GNAZ: variants seen among roughly 807,000 people sequenced by gnomAD.
The protein encoded by GNAZ is guanine nucleotide-binding protein G(z) subunit alpha.
A neutral mutation model predicts 25.4 loss-of-function variants in GNAZ; 3 were observed. That is an observed-to-expected ratio of 0.12 (90% confidence interval 0.05 to 0.30). The LOEUF (loss-of-function observed/expected upper bound fraction) is 0.30. Among genes scored for constraint, GNAZ ranks in the 10% least tolerant of loss-of-function variants. GNAZ has a pLI of 1.00. For missense variants in GNAZ, 241 were observed against 501.8 expected, an observed-to-expected ratio of 0.48 and a Z score of 4.97; for synonymous variants, 211 against 205.7, an observed-to-expected ratio of 1.03 and a Z score of -0.22.
chr22:23,075,527 C>T (rs2068486987), intron 1 of GNAZ, among the ~76,000 whole-genome samples: 1 of 152,226 alleles, frequency 6.6e-6, no homozygotes, highest in South Asian at 2.1e-4. Context: ...CCAAAGGAAG[C>T]TGCCACATCA....
At chr22:23,072,824 C>T (rs1355527509) in intron 1 of GNAZ, among the ~76,000 whole-genome samples, 1 of 152,222 alleles carries the variant, frequency 6.6e-6, no homozygotes, top group Non-Finnish European at 1.5e-5. Flanking sequence ...CAGGAGGAAC[C>T]TCAGAGACCT....
Position 23,123,943 on chromosome 22 carries a change from G to A in GNAZ, c.*512G>A, listed in dbSNP as rs1601844041. On this transcript the variant is annotated 3_prime_UTR_variant, in exon 3 of 3. Coordinates refer to ENST00000615612, the MANE Select transcript of GNAZ (RefSeq NM_002073.4). ...GCAGGGTCTGTGCACCTTCCCTGCT[G>A]GCCTGCACACAGCTGCTCAGCACCA... The A allele has an allele frequency of 4.7e-6, 1 of 211,020 alleles. No individual in the cohort carries two copies. The highest frequency in any genetic ancestry group is 1.2e-4 in the East Asian group (1 of 8,032). The allele number at this position is 211,020 out of a possible 1,614,324, so 13.1% of individuals were successfully genotyped here.
Position 23,123,318 on chromosome 22 carries a change from G to A in GNAZ, c.955G>A (p.Glu319Lys), listed in dbSNP as rs1601842799. 6.2e-7 allele frequency: 1 copy of A among 1,614,060 alleles called. No homozygotes were observed. Among genetic ancestry groups the A allele is most frequent in the Non-Finnish European group, 8.5e-7 (1 of 1,179,974 alleles). Reference protein sequence around the residue: ...EDLNRNKETKEIYSHFTCATD... With the variant: ...EDLNRNKETKKIYSHFTCATD... ...CCTGAACCGCAACAAGGAGACCAAG[G>A]AGATCTACTCCCACTTCACCTGCGC... Residue 319 changes from glutamate to lysine, a missense_variant, in exon 3 of 3, where the codon GAG becomes AAG. Glu to Lys is a moderately conservative substitution (Grantham distance 56). Transcript: ENST00000615612.
In GNAZ at chr22:23,096,151, C is replaced by T. The variant is rs372365902; in HGVS notation, c.456C>T (p.Asn152=). 15 of 1,612,918 alleles carry T rather than the reference C, an allele frequency of 9.3e-6. No individual in the cohort carries two copies. The highest frequency in any genetic ancestry group is 4.4e-5 in the South Asian group (4 of 91,076). ...CCAGCGAGTACCACCTGGAGGACAA[C>T]GCGGCCTACTACCTGAACGACCTGG... ...SRSSEYHLED[N]AAYYLNDLER... The change falls in exon 2 of 3, where the codon AAC becomes AAT. Residue 152 remains asparagine, a synonymous_variant. Transcript: ENST00000615612.
chr22:23,111,215 A>T (rs1320212772), intron 2 of GNAZ, among the ~76,000 whole-genome samples: 1 of 152,086 alleles, frequency 6.6e-6, no homozygotes, highest in Non-Finnish European at 1.5e-5. Context: ...TCCCAGTCCC[A>T]TTACCTGTCA....
intron 1 of GNAZ, among the ~76,000 whole-genome samples, chr22:23,081,482 C>A (rs2146272285): frequency 6.6e-6 from 1 of 152,252 alleles, no homozygotes; most frequent in African/African-American, 2.4e-5. Context: ...CAACTTTTAG[C>A]CATCAACAGT....
In GNAZ at chr22:23,116,766, G is replaced by A. The variant is rs138869043; in HGVS notation, c.724-6321G>A. ...CTTGGATGTCATTAGCTGGAAAGCC[G>A]TGAGTGCCTGATGGGGAAGGAGTGG... On this transcript the variant is annotated intron_variant, in intron 2 of 2. Coordinates refer to ENST00000615612, the MANE Select transcript of GNAZ (RefSeq NM_002073.4). 3.1e-3 allele frequency among the ~76,000 whole-genome samples: 477 copies of A among 152,338 alleles called. 4 individuals are homozygous for A. The highest frequency in any genetic ancestry group is 4.0e-3 in the Admixed American group (61 of 15,296).
At chr22:23,086,854 C>G (rs1009322255) in intron 1 of GNAZ, among the ~76,000 whole-genome samples, 3 of 152,232 alleles carry the variant, frequency 2.0e-5, no homozygotes, top group African/African-American at 7.2e-5. Flanking sequence ...CAAAGGACAC[C>G]TGGCTCCTCA....
At chr22:23,087,365 C>G (rs5751581) in intron 1 of GNAZ, among the ~76,000 whole-genome samples, 40,172 of 152,014 alleles carry the variant, frequency 0.26, 5,487 homozygotes, top group African/African-American at 0.34. Flanking sequence ...ACTCGAGGCT[C>G]AGGTGGGAGG....
rs1218278297 is a variant in GNAZ, at chr22:23,124,872, C to G, written c.*1441C>G. On this transcript the variant is annotated 3_prime_UTR_variant, in exon 3 of 3. Transcript: ENST00000615612. ...AGGAGAGGCACTGCCGGAGCCCTTG[C>G]CAGATCTCCCTCCCTCTCTCCGTGC... 1 of 152,858 alleles carries G rather than the reference C, an allele frequency of 6.5e-6. No individual in the cohort carries two copies. Among genetic ancestry groups the G allele is most frequent in the Admixed American group, 6.5e-5 (1 of 15,308 alleles). 9.5% of individuals were successfully genotyped at this position (152,858 alleles called of 1,614,324 possible). A position where few individuals can be genotyped will look rare whatever the true frequency, so the allele number is the denominator to read the frequency against.
rs933625305 is a variant in GNAZ, at chr22:23,088,908, T to C, written c.-449-6339T>C. 1.7e-4 allele frequency among the ~76,000 whole-genome samples: 26 copies of C among 152,372 alleles called. 1 individual carries two copies. Among genetic ancestry groups the C allele is most frequent in the Admixed American group, 1.5e-3 (23 of 15,310 alleles). On this transcript the variant is annotated intron_variant, in intron 1 of 2. Transcript: ENST00000615612. ...AAGGTGGCCATCTGAGTGGCTTCTATTGGGCCTCAGGCATGACTGCCTGTG... is the reference window on the plus strand; with the variant it reads ...AAGGTGGCCATCTGAGTGGCTTCTACTGGGCCTCAGGCATGACTGCCTGTG...
chr22:23,106,032 C>T lies in GNAZ; in HGVS notation c.723+9614C>T, dbSNP rs189760123. ...CCAGGCCCTTTCGGAGCAAATGCTC[C>T]CACCATCTTGGAATTTTCTGTCCCA... On this transcript the variant is annotated intron_variant, in intron 2 of 2. Transcript: ENST00000615612. 4.7e-4 allele frequency among the ~76,000 whole-genome samples: 71 copies of T among 152,282 alleles called. 1 individual carries two copies. In the East Asian group the frequency reaches 0.011, roughly 24 times the overall value.
rs1569172679 is a variant in GNAZ at position 23,095,870 on chromosome 22, G to A, written c.175G>A (p.Gly59Ser). 2 of 1,613,762 alleles carry A rather than the reference G, an allele frequency of 1.2e-6. No individual in the cohort carries two copies. Among genetic ancestry groups the A allele is most frequent in the African/African-American group, 1.3e-5 (1 of 75,068 alleles). Residue 59 changes from glycine (G) to serine (S), a missense_variant, in exon 2 of 3, where the codon GGC (glycine) becomes AGC (serine). By Grantham distance (56) the Gly-to-Ser change is moderately conservative. Transcript: ENST00000615612. Reference sequence around the variant, plus strand: ...CAAACAGATGAAGATCATCCACAGCGGCGGCTTCAACCTGGAGGCCTGCAA... The same window carrying A: ...CAAACAGATGAAGATCATCCACAGCAGCGGCTTCAACCTGGAGGCCTGCAA... ...IVKQMKIIHSGGFNLEACKEY... is the reference protein window; with the variant it reads ...IVKQMKIIHSSGFNLEACKEY...
chr22:23,101,891 A>G (rs1365608433), intron 2 of GNAZ, among the ~76,000 whole-genome samples: 1 of 152,210 alleles, frequency 6.6e-6, no homozygotes, highest in Non-Finnish European at 1.5e-5. Context: ...CATGGCAGGC[A>G]TGGAATTGGG....
chr22:23,123,014 G>A (rs771657844), intron 2 of GNAZ, 73 bp from the exon 3 acceptor site: 400 of 976,816 alleles, frequency 4.1e-4, no homozygotes, highest in Non-Finnish European at 5.7e-4. Flanking sequence ...GCTTCCTCTG[G>A]CAGGGCTGCA....
At chr22:23,078,152 T>A (rs1352470782) in intron 1 of GNAZ, among the ~76,000 whole-genome samples, 2 of 152,192 alleles carry the variant, frequency 1.3e-5, no homozygotes, top group African/African-American at 4.8e-5. Flanking sequence ...TCCAGCATGG[T>A]CACCCCCTCA....
rs773988506 is a variant in GNAZ, at chr22:23,103,278, T to C, written c.723+6860T>C. Among the ~76,000 whole-genome samples the C allele has an allele frequency of 1.0e-3, 158 of 152,218 alleles. 3 individuals are homozygous for C. Among genetic ancestry groups the C allele is most frequent in the Non-Finnish European group, 2.5e-4 (17 of 68,026 alleles). ...ACTGGCAAATACTACAAAACAGTTC[T>C]ACTCCTCCCCAGCCCCCGCCTCCAT... On this transcript the variant is annotated intron_variant, in intron 2 of 2. Coordinates refer to ENST00000615612, the MANE Select transcript of GNAZ (RefSeq NM_002073.4).
At chr22:23,092,420 C>T (rs539214808) in intron 1 of GNAZ, among the ~76,000 whole-genome samples, 25 of 152,104 alleles carry the variant, frequency 1.6e-4, no homozygotes, top group Non-Finnish European at 3.1e-4. Context: ...CCCACAGAGC[C>T]GCAGGGAGAA....
chr22:23,090,420 G>A (rs1309734540), intron 1 of GNAZ, among the ~76,000 whole-genome samples: 2 of 152,146 alleles, frequency 1.3e-5, no homozygotes, highest in Non-Finnish European at 2.9e-5. Context: ...TCACCTGGAT[G>A]TTTGCATCCA....
Sources: gnomAD v4.1 joint callset for allele counts (sites outside exome capture counted in the v4.1 genomes callset) on GRCh38, gnomAD v4.1.1 for gene constraint, MANE v1.5 for transcripts, NCBI Gene and HGNC (gene_info 2026-07-23, HGNC 2026-07-21) for gene names.